The following HIVEP1 variants were observed in gnomAD, a reference collection of about 807,000 sequenced individuals.
HIVEP1 encodes HIVEP zinc finger 1.
In HIVEP1, 36 loss-of-function variants were observed where a neutral mutation model predicts 180.0. The ratio of observed to expected loss-of-function variants is 0.20; its 90% CI spans 0.15 to 0.26. The LOEUF is 0.26. HIVEP1 is among the 10% of genes least tolerant of loss of function. The pLI, the probability that HIVEP1 is intolerant of heterozygous loss-of-function variation, is 1.00. For missense variants in HIVEP1, 3,143 were observed against 3,268.7 expected, an observed-to-expected ratio of 0.96 and a Z score of 0.94; for synonymous variants, 1,239 against 1,239.0, an observed-to-expected ratio of 1.00 and a Z score of 0.00.
intron 7 of HIVEP1, 26 bp from the exon 8 acceptor site, chr6:12,161,413 A>G (rs1760387433): frequency 1.9e-6 from 3 of 1,592,238 alleles, no homozygotes; most frequent in Non-Finnish European, 2.6e-6. Flanking sequence ...GCATTCCATC[A>G]CATACCTCTT....
At chr6:12,046,539 G>T (rs1351901557) in intron 2 of HIVEP1, among the ~76,000 whole-genome samples, 2 of 152,138 alleles carry the variant, frequency 1.3e-5, no homozygotes, top group African/African-American at 4.8e-5. Context: ...TCATCACTTT[G>T]GGAGGCTGAG....
chr6:12,163,614 C>T lies in HIVEP1; in HGVS notation c.7310C>T (p.Thr2437Ile), dbSNP rs1261514050. 6.2e-7 allele frequency: 1 copy of T among 1,614,040 alleles called. No individual in the cohort carries two copies. The highest frequency in any genetic ancestry group is 2.2e-5 in the East Asian group (1 of 44,890). Residue 2437 changes from threonine to isoleucine, a missense_variant, in exon 9 of 9, where the codon ACT becomes ATT. By Grantham distance (89) the Thr-to-Ile change is moderately conservative. This residue lies in a region of HIVEP1 where 595 missense variants were observed against 602.2 expected (regional missense o/e 0.99). Transcript: ENST00000379388. ...TIPAVSVVHRTLGTHRNTVTE... is the reference protein window; with the variant it reads ...TIPAVSVVHRILGTHRNTVTE... ...CCTGCTGTCAGTGTCGTTCACAGAA[C>T]TTTGGGTACTCATAGGAATACGGTC...
At chr6:12,105,839 TTTTC>T (rs1774391140) in intron 3 of HIVEP1, among the ~76,000 whole-genome samples, 1 of 152,112 alleles carries the variant, frequency 6.6e-6, no homozygotes, top group South Asian at 2.1e-4. Context: ...CTTTTTGTGG[TTTTC>T]TTTCTTACAT....
Position 12,122,758 on chromosome 6 carries a change from C to T in HIVEP1, c.2963C>T (p.Pro988Leu), listed in dbSNP as rs779580363. 1 of 1,611,284 alleles carries T rather than the reference C, an allele frequency of 6.2e-7. No homozygotes were observed. The highest frequency in any genetic ancestry group is 8.5e-7 in the Non-Finnish European group (1 of 1,179,278). ...KKFYCSELHG[P>L]KTKVAMREPE... ...TTTTACTGTTCTGAGTTACATGGAC[C>T]AAAAACAAAGGTAGCCATGAGAGAA... Residue 988 changes from proline to leucine, a missense_variant, in exon 4 of 9, where the codon CCA becomes CTA. By Grantham distance (98) the Pro-to-Leu change is moderately conservative (BLOSUM62 -3). Coordinates refer to ENST00000379388, the MANE Select transcript of HIVEP1 (RefSeq NM_002114.4).
At chr6:12,064,636 T>C (rs964035266) in intron 2 of HIVEP1, among the ~76,000 whole-genome samples, 2 of 152,140 alleles carry the variant, frequency 1.3e-5, no homozygotes, top group Non-Finnish European at 2.9e-5. Context: ...CTGAGAACTC[T>C]TGGTTCTTAG....
At chr6:12,037,883 T>G (rs1769394895) in intron 2 of HIVEP1, 1 of 399,378 alleles carries the variant, frequency 2.5e-6, no homozygotes, top group Admixed American at 4.4e-5. Flanking sequence ...GCTACTTTTT[T>G]TTTTTGGCGG....
At chr6:12,057,625 C>T (rs180840665) in intron 2 of HIVEP1, among the ~76,000 whole-genome samples, 6 of 152,262 alleles carry the variant, frequency 3.9e-5, no homozygotes, top group African/African-American at 1.4e-4. Context: ...TGAAGTAACT[C>T]ATTCTAAAGC....
chr6:12,092,048 T>C (rs1181993842), intron 3 of HIVEP1, among the ~76,000 whole-genome samples: 3 of 152,200 alleles, frequency 2.0e-5, no homozygotes, highest in African/African-American at 7.2e-5. Flanking sequence ...TAAATTAATA[T>C]ATGTAGCATA....
chr6:12,136,603 G>A (rs1758717460), intron 7 of HIVEP1, among the ~76,000 whole-genome samples: 2 of 152,230 alleles, frequency 1.3e-5, no homozygotes, highest in Non-Finnish European at 2.9e-5. Flanking sequence ...AGCAGAGCCA[G>A]TGAGTGCTTA....
the HIVEP1 span, among the ~76,000 whole-genome samples, chr6:12,189,381 A>C: frequency 2.6e-5 from 4 of 152,276 alleles, no homozygotes; most frequent in African/African-American, 9.6e-5. Flanking sequence ...TAAAAAATAC[A>C]ACATGCAAAA....
At chr6:12,113,826 T>C (rs1176081137) in intron 3 of HIVEP1, among the ~76,000 whole-genome samples, 1 of 152,212 alleles carries the variant, frequency 6.6e-6, no homozygotes, top group Non-Finnish European at 1.5e-5. Context: ...TAGTCAGATG[T>C]GCTGCTGCCA....
At chr6:12,082,201 T>A (rs1241123502) in intron 2 of HIVEP1, among the ~76,000 whole-genome samples, 1 of 152,082 alleles carries the variant, frequency 6.6e-6, no homozygotes, top group Non-Finnish European at 1.5e-5. Flanking sequence ...ATGTATACAG[T>A]CTGGGGTGTC....
rs1760639258 is a variant in HIVEP1, at chr6:12,164,641, A to AT, written c.*181dup. On this transcript the variant is annotated 3_prime_UTR_variant, in exon 9 of 9. Coordinates refer to ENST00000379388, the MANE Select transcript of HIVEP1 (RefSeq NM_002114.4). ...CTCCAGCCATTTTTGTACATGTTGT[A>AT]TAGACAATTGTGCCTTTTAGGAGCT... The AT allele has an allele frequency of 1.8e-6, 1 of 566,522 alleles. No individual in the cohort carries two copies. Among genetic ancestry groups the AT allele is most frequent in the Non-Finnish European group, 3.1e-6 (1 of 327,068 alleles). 35.1% of individuals were successfully genotyped at this position (566,522 alleles called of 1,614,324 possible).
At chr6:12,211,616 T>C in the HIVEP1 span, among the ~76,000 whole-genome samples, 11 of 151,784 alleles carry the variant, frequency 7.2e-5, no homozygotes, top group Admixed American at 5.3e-4. Context: ...TTGCCCGATT[T>C]TGAAAACTAA....
chr6:12,189,243 G>C, the HIVEP1 span, among the ~76,000 whole-genome samples: 4 of 151,730 alleles, frequency 2.6e-5, no homozygotes, highest in East Asian at 5.8e-4. Context: ...CCAGTAAAAA[G>C]ACTGGATAAT....
At chr6:12,051,200 C>A (rs953575350) in intron 2 of HIVEP1, among the ~76,000 whole-genome samples, 3 of 151,578 alleles carry the variant, frequency 2.0e-5, no homozygotes. Context: ...AGCACCAATA[C>A]CACCATTTTT....
chr6:12,111,754 A>C (rs960962154), intron 3 of HIVEP1, among the ~76,000 whole-genome samples: 1 of 152,204 alleles, frequency 6.6e-6, no homozygotes, highest in Non-Finnish European at 1.5e-5. Context: ...GGGATTGTGT[A>C]ATTAAATTTG....
chr6:12,194,940 G>T, the HIVEP1 span, among the ~76,000 whole-genome samples: 1 of 152,174 alleles, frequency 6.6e-6, no homozygotes, highest in Non-Finnish European at 1.5e-5. Context: ...ACTGCCAGGG[G>T]AAGCTGGGAA....
chr6:12,031,972 G>T (rs555003846), intron 2 of HIVEP1, among the ~76,000 whole-genome samples: 2 of 152,208 alleles, frequency 1.3e-5, no homozygotes, highest in South Asian at 4.1e-4. Context: ...TGTTTTGACA[G>T]GCCTCTTACT....
Sources: gnomAD v4.1 joint callset for allele counts (sites outside exome capture counted in the v4.1 genomes callset) on GRCh38, gnomAD v4.1.1 for gene constraint, gnomAD v4.1.1 regional missense constraint, MANE v1.5 for transcripts, NCBI Gene and HGNC (gene_info 2026-07-23, HGNC 2026-07-21) for gene names.